Variants in CFAP46 observed in about 807,000 individuals in gnomAD.
CFAP46 encodes the protein cilia- and flagella-associated protein 46.
A neutral mutation model predicts 325.7 loss-of-function variants in CFAP46; 245 were observed. That is an observed-to-expected ratio of 0.75 (90% CI 0.68 to 0.84). The LOEUF (loss-of-function observed/expected upper bound fraction) is 0.84. Ranked by LOEUF, CFAP46 falls within the 40% of genes least tolerant of loss-of-function variation. The pLI, the probability that CFAP46 is intolerant of heterozygous loss-of-function variation, is 0.00. For synonymous variants in CFAP46, 1,523 were observed against 1,495.9 expected (o/e 1.02, Z -0.42); for missense variants, 3,346 against 3,543.0 (o/e 0.94, Z 1.41).
intron 13 of CFAP46, 67 bp downstream of exon 13, chr10:132,922,037 C>A: frequency 1.3e-6 from 2 of 1,506,426 alleles, no homozygotes; most frequent in Non-Finnish European, 1.8e-6. Context: ...GGGGAGGCCC[C>A]GGGGCAGCCT....
chr10:132,894,209 G>A (rs1363052139), intron 24 of CFAP46, among the ~76,000 whole-genome samples: 1 of 152,228 alleles, frequency 6.6e-6, no homozygotes, highest in Non-Finnish European at 1.5e-5. Context: ...CTAAATTTCT[G>A]AAATACTAAG....
chr10:132,878,606 A>G (rs4880459), intron 29 of CFAP46, among the ~76,000 whole-genome samples: 73,676 of 152,128 alleles, frequency 0.48, 19,546 homozygotes, highest in African/African-American at 0.7. Flanking sequence ...TGAGAATAAC[A>G]TTGAGCAATT....
intron 22 of CFAP46, among the ~76,000 whole-genome samples, chr10:132,905,820 G>T (rs1849448797): frequency 6.6e-6 from 1 of 152,236 alleles, no homozygotes; most frequent in East Asian, 1.9e-4. Context: ...GCACATCCAG[G>T]GCCTGAGGGG....
At chr10:132,873,156 A>G (rs1848916516) in intron 31 of CFAP46, among the ~76,000 whole-genome samples, 1 of 152,270 alleles carries the variant, frequency 6.6e-6, no homozygotes, top group South Asian at 2.1e-4. Flanking sequence ...CTGACTCATT[A>G]GAGACAGAAT....
intron 44 of CFAP46, among the ~76,000 whole-genome samples, chr10:132,844,473 G>A (rs553584079): frequency 6.6e-6 from 1 of 152,166 alleles, no homozygotes; most frequent in Non-Finnish European, 1.5e-5. Context: ...CCTTTCCCGA[G>A]GCTGCTGCGG....
rs753914661 is a variant in CFAP46, at chr10:132,810,734, G to A, written c.7583+216C>T. On this transcript the variant is annotated intron_variant, in intron 56 of 57. Transcript: ENST00000368586. ...CAGCTGTGAGGCGCTGTGGGGACCC[G>A]GCTCCCGTGGGCTGGTGCCAGGGGC... is the stretch of plus-strand genomic sequence containing the variant. 130 of 721,692 alleles carry A rather than the reference G, an allele frequency of 1.8e-4. 1 individual carries two copies. The highest frequency in any genetic ancestry group is 3.0e-4 in the East Asian group (11 of 37,064). The allele number at this position is 721,692 out of a possible 1,614,324, so 44.7% of individuals were successfully genotyped here.
chr10:132,929,847 A>C (rs1330470420), intron 8 of CFAP46, 43 bp from the exon 9 acceptor site: 3 of 1,464,248 alleles, frequency 2.0e-6, no homozygotes, highest in Non-Finnish European at 2.8e-6. Context: ...AATAGGGGGC[A>C]CAGGAAACAT....
chr10:132,821,953 G>GGTGA, intron 50 of CFAP46, among the ~76,000 whole-genome samples: 1 of 130,224 alleles, frequency 7.7e-6, no homozygotes, highest in East Asian at 2.5e-4. Flanking sequence ...GTGTGCGCTT[G>GGTGA]TGTGTGCTGT....
In CFAP46 at chr10:132,868,134, G is replaced by A. The variant is rs575164390; in HGVS notation, c.4611-627C>T. Among the ~76,000 whole-genome samples the A allele has an allele frequency of 3.9e-5, 6 of 152,198 alleles. No individual in the cohort carries two copies. The East Asian group carries it at 1.2e-3, about 29-fold the overall frequency. On this transcript the variant is annotated intron_variant, in intron 33 of 57. Coordinates refer to ENST00000368586, the MANE Select transcript of CFAP46 (RefSeq NM_001200049.3). ...TCTGACCCTCTCCCGAGGCCTGCAC[G>A]CCCCTCTGCCCAGGCCTCCCCGGCC...
chr10:132,851,354 T>G (rs1484451063), intron 39 of CFAP46, 49 bp from the exon 40 acceptor site: 1 of 1,563,970 alleles, frequency 6.4e-7, no homozygotes, highest in South Asian at 1.1e-5. Flanking sequence ...CTGGTAAGCC[T>G]GAATCTACAT....
intron 50 of CFAP46, among the ~76,000 whole-genome samples, chr10:132,825,463 A>G (rs867168317): frequency 6.6e-6 from 1 of 152,196 alleles, no homozygotes; most frequent in Non-Finnish European, 1.5e-5. Context: ...GAACACGTGC[A>G]TGGCCTGATC....
At position 132,884,962 on chromosome 10, in the gene CFAP46, G is replaced by A. The variant is rs1012394893; in HGVS notation, c.3627+141C>T. ...GCAAGAGGAGTGCCCGGGGCCACGC[G>A]GTGCATTCTCTGTGCCCGTCAGCTG... On this transcript the variant is annotated intron_variant, in intron 27 of 57. Transcript: ENST00000368586. The surrounding 1 kb of genome is among the most constrained non-coding windows in gnomAD (Gnocchi z 5.4). The A allele has an allele frequency of 3.3e-5, 29 of 875,702 alleles. No individual in the cohort carries two copies. Among genetic ancestry groups the A allele is most frequent in the South Asian group, 5.7e-5 (3 of 52,930 alleles). 54.2% of individuals were successfully genotyped at this position (875,702 alleles called of 1,614,324 possible). A position where few individuals can be genotyped will look rare whatever the true frequency, so the allele number is the denominator to read the frequency against.
chr10:132,913,598 A>C (rs983561132), intron 17 of CFAP46, among the ~76,000 whole-genome samples: 4 of 152,128 alleles, frequency 2.6e-5, no homozygotes, highest in South Asian at 4.2e-4. Flanking sequence ...ACCAGCCTCC[A>C]CCCAGCCAGT....
At chr10:132,833,996 C>A (rs377289514) in intron 49 of CFAP46, 45 bp downstream of exon 49, 2 of 1,575,504 alleles carry the variant, frequency 1.3e-6, no homozygotes, top group Non-Finnish European at 1.7e-6. Context: ...CCTCTTCTGG[C>A]GGGATGAGCT....
In CFAP46 at chr10:132,834,698, C is replaced by G; in HGVS notation, c.6822G>C (p.Glu2274Asp). 6.2e-7 allele frequency: 1 copy of G among 1,613,024 alleles called. No homozygotes were observed. The highest frequency in any genetic ancestry group is 2.2e-5 in the East Asian group (1 of 44,864). ...GCAGGGGGAATAGCGGCTGCAGAAG[C>G]TCCTCCAGGGGCCCCAGGACGCTAC... Reference protein sequence around the residue: ...RLSSVLGPLEELLQPLFPLLS... With the variant: ...RLSSVLGPLEDLLQPLFPLLS... Residue 2274 changes from glutamate to aspartate, a missense_variant, in exon 48 of 58, where the codon GAG becomes GAC. Glu to Asp is a conservative substitution (Grantham distance 45). Transcript: ENST00000368586.
chr10:132,851,000 T>C (rs970596473), intron 40 of CFAP46, 117 bp downstream of exon 40: 2 of 1,231,980 alleles, frequency 1.6e-6, no homozygotes, highest in African/African-American at 3.0e-5. Flanking sequence ...GGTCCCCAGC[T>C]GACCCGCACC....
intron 19 of CFAP46, among the ~76,000 whole-genome samples, chr10:132,910,933 G>A (rs1350553994): frequency 1.3e-5 from 2 of 152,166 alleles, no homozygotes; most frequent in African/African-American, 2.4e-5. Flanking sequence ...TCCAGGCACC[G>A]CCCAAGCCGG....
At chr10:132,860,326 A>C (rs557672116) in intron 37 of CFAP46, 91 bp downstream of exon 37, 1 of 940,466 alleles carries the variant, frequency 1.1e-6, no homozygotes, top group African/African-American at 1.6e-5. Flanking sequence ...CTGAACTTGC[A>C]TAGACTTGAC....
At chr10:132,821,255 G>C (rs1847812491) in intron 50 of CFAP46, among the ~76,000 whole-genome samples, 1 of 138,546 alleles carries the variant, frequency 7.2e-6, no homozygotes, top group South Asian at 2.7e-4. Context: ...TGTGTGCTGT[G>C]TGAGCGCTGA....
Sources: gnomAD v4.1 joint callset for allele counts (sites outside exome capture counted in the v4.1 genomes callset) on GRCh38, gnomAD v4.1.1 for gene constraint, Gnocchi (gnomAD v3.1) non-coding constraint, MANE v1.5 for transcripts, NCBI Gene and HGNC (gene_info 2026-07-23, HGNC 2026-07-21) for gene names.